HSPG2: variants seen among roughly 807,000 people sequenced by gnomAD.
HSPG2 encodes basement membrane-specific heparan sulfate proteoglycan core protein.
A neutral mutation model predicts 526.6 loss-of-function variants in HSPG2; 278 were observed. That is an observed-to-expected ratio of 0.53 (90% confidence interval 0.48 to 0.58). The LOEUF (loss-of-function observed/expected upper bound fraction) is 0.58. Ranked by LOEUF, HSPG2 falls within the 20% of genes least tolerant of loss-of-function variation. The pLI, the probability that HSPG2 is intolerant of heterozygous loss-of-function variation, is 0.00. For missense variants in HSPG2, 5,354 were observed against 6,099.5 expected (o/e 0.88, Z 4.07); for synonymous variants, 2,465 against 2,555.4 (o/e 0.96, Z 1.07).
At position 21,824,098 on chromosome 1, in the gene HSPG2, G is replaced by A. The variant is rs766977531; in HGVS notation, c.12899+23C>T. 8.7e-6 allele frequency: 14 copies of A among 1,604,864 alleles called. No homozygotes were observed. The highest frequency in any genetic ancestry group is 5.3e-5 in the African/African-American group (4 of 74,804). On this transcript the variant is annotated intron_variant, in intron 95 of 96. Transcript: ENST00000374695. This position sits in a 1 kb window ranked among gnomAD's most constrained non-coding sequence, Gnocchi z 5.9. ...ACTCCAGAACGCTGGGCCCCATCCC[G>A]AGTGCCCGGCAGGGTCCCTTACCGC...
Position 21,873,959 on chromosome 1 carries a change from A to T in HSPG2, c.3709T>A (p.Cys1237Ser). The change falls in exon 29 of 97, where the codon TGC (cysteine) becomes AGC (serine). Residue 1237 changes from cysteine (C) to serine (S), a missense_variant. Physicochemically the swap from Cys to Ser is moderately radical, Grantham distance 112. Transcript: ENST00000374695. ...TGACGCCCACTGTGGCCTGGGGAGCACGCATCACAGGTGGGGTGGCCGTCT... is the reference window on the plus strand; with the variant it reads ...TGACGCCCACTGTGGCCTGGGGAGCTCGCATCACAGGTGGGGTGGCCGTCT... ...DTDGHPTCDA[C>S]SPGHSGRHCE... 1 of 1,605,448 alleles carries T rather than the reference A, an allele frequency of 6.2e-7. No individual in the cohort carries two copies. The highest frequency in any genetic ancestry group is 8.5e-7 in the Non-Finnish European group (1 of 1,175,916).
Position 21,823,683 on chromosome 1 carries a change from C to T in HSPG2, c.12936G>A (p.Glu4312=), listed in dbSNP as rs752480361. The T allele has an allele frequency of 3.1e-6, 5 of 1,613,686 alleles. No homozygotes were observed. In the Admixed American group the frequency reaches 6.7e-5, roughly 22 times the overall value. Residue 4312 remains glutamate, a synonymous_variant, in exon 96 of 97, where the codon GAG becomes GAA. Coordinates refer to ENST00000374695, the MANE Select transcript of HSPG2 (RefSeq NM_005529.7). The part of the protein sequence containing the change: ...GRRGSIQVDG[E]ELVSGRSPGP... ...CTGGGGACCGGCCGCTGACCAGCTC[C>T]TCACCGTCGACTTGGATGGAACCTC... is the stretch of plus-strand genomic sequence containing the variant.
Position 21,878,624 on chromosome 1 carries a change from G to A in HSPG2, c.2511C>T (p.Ala837=). The A allele has an allele frequency of 3.1e-6, 5 of 1,614,162 alleles. No homozygotes were observed. The highest frequency in any genetic ancestry group is 4.2e-6 in the Non-Finnish European group (5 of 1,180,042). ...AGCCTGGGGCACAGGCGTCACATGT[G>A]GCTTGGCCATCCGTGTCCAGGAAGC... ...DTCFLDTDGQ[A]TCDACAPGYT... Residue 837 remains alanine, a synonymous_variant, in exon 19 of 97, where the codon GCC becomes GCT. Transcript: ENST00000374695.
chr1:21,841,696 G>T (rs369890389), intron 69 of HSPG2, 23 bp from the exon 70 acceptor site: 30 of 1,613,672 alleles, frequency 1.9e-5, no homozygotes, highest in African/African-American at 2.7e-5. Context: ...ATGGGGGAGG[G>T]TGAGAGAGGA....
intron 1 of HSPG2, among the ~76,000 whole-genome samples, chr1:21,918,323 G>C (rs958735674): frequency 6.6e-6 from 1 of 152,094 alleles, no homozygotes; most frequent in Non-Finnish European, 1.5e-5. Flanking sequence ...AAATTAGCAG[G>C]GTGTGGTGGC....
intron 37 of HSPG2, among the ~76,000 whole-genome samples, chr1:21,862,465 T>C (rs1360390408): frequency 6.6e-6 from 1 of 151,178 alleles, no homozygotes; most frequent in African/African-American, 2.4e-5. Flanking sequence ...GCGTCTGTAG[T>C]CCCAGCTACT....
intron 1 of HSPG2, among the ~76,000 whole-genome samples, chr1:21,914,819 G>A (rs553766588): frequency 8.2e-4 from 125 of 152,116 alleles, no homozygotes; most frequent in Non-Finnish European, 1.5e-3. Flanking sequence ...GCTCCTCCCC[G>A]GGCAGGTGTG....
At position 21,823,604 on chromosome 1, in the gene HSPG2, C is replaced by T. The variant is rs756949411; in HGVS notation, c.13003+12G>A. The T allele has an allele frequency of 2.5e-6, 4 of 1,612,416 alleles. No individual in the cohort carries two copies. Among genetic ancestry groups the T allele is most frequent in the Admixed American group, 1.7e-5 (1 of 60,020 alleles). ...TTCCTGCCCCTGCCCTGAGAAGGAG[C>T]CCCAGACTTACCGATGTAGACGCTG... On this transcript the variant is annotated intron_variant, in intron 96 of 96. Coordinates refer to ENST00000374695, the MANE Select transcript of HSPG2 (RefSeq NM_005529.7).
rs1037934358 is a variant in HSPG2, at chr1:21,859,932, G to A, written c.5085C>T (p.Ser1695=). ...RSIVPQGGSH[S]LRCQVSGSPP... ...GGCTCCCACTGACCTGACACCGCAG[G>A]GAGTGGGAGCCACCTTGGGGCACTA... The change falls in exon 41 of 97, where the codon TCC becomes TCT. Residue 1695 remains serine (S), a synonymous_variant. Coordinates refer to ENST00000374695, the MANE Select transcript of HSPG2 (RefSeq NM_005529.7). The surrounding 1 kb of genome is among the most constrained non-coding windows in gnomAD (Gnocchi z 5.3). 5.0e-6 allele frequency: 8 copies of A among 1,610,420 alleles called. No homozygotes were observed. The highest frequency in any genetic ancestry group is 2.2e-5 in the East Asian group (1 of 44,838).
In HSPG2 at chr1:21,864,804, G is replaced by T; in HGVS notation, c.4626+39C>A. On this transcript the variant is annotated intron_variant, in intron 36 of 96. Coordinates refer to ENST00000374695, the MANE Select transcript of HSPG2 (RefSeq NM_005529.7). This position sits in a 1 kb window ranked among gnomAD's most constrained non-coding sequence, Gnocchi z 4.8. ...GGCTGATTTGCTTGCTGATGCCTCT[G>T]TGCCTGTGCAGAGGTGGTGGAGCTG... 1.3e-6 allele frequency: 2 copies of T among 1,540,490 alleles called. 1 individual carries two copies. Among genetic ancestry groups the T allele is most frequent in the South Asian group, 2.3e-5 (2 of 86,474 alleles).
rs2097986374 is a variant in HSPG2, at chr1:21,828,433, G to A, written c.12238-7C>T. The stretch of plus-strand genomic sequence containing the variant: ...GTTTGCCATTCACTGACACCTGTGG[G>A]GACAGGGACACCGAGGGACTAAAGG... On this transcript the variant is annotated splice_region_variant and splice_polypyrimidine_tract_variant and intron_variant, in intron 88 of 96. Coordinates refer to ENST00000374695, the MANE Select transcript of HSPG2 (RefSeq NM_005529.7). This position sits in a 1 kb window ranked among gnomAD's most constrained non-coding sequence, Gnocchi z 6.0. 1.2e-6 allele frequency: 2 copies of A among 1,612,682 alleles called. No homozygotes were observed. Among genetic ancestry groups the A allele is most frequent in the Non-Finnish European group, 1.7e-6 (2 of 1,179,964 alleles).
chr1:21,894,237 G>C (rs368053700), intron 3 of HSPG2, among the ~76,000 whole-genome samples: 1 of 152,068 alleles, frequency 6.6e-6, no homozygotes, highest in Non-Finnish European at 1.5e-5. Flanking sequence ...GCCATGCCCA[G>C]GGGGAGGAGG....
At position 21,831,008 on chromosome 1, in the gene HSPG2, T is replaced by C; in HGVS notation, c.11645A>G (p.His3882Arg). The change falls in exon 85 of 97, where the codon CAC becomes CGC. Residue 3882 changes from histidine to arginine, a missense_variant. By Grantham distance (29) the His-to-Arg change is conservative. Transcript: ENST00000374695. Reference protein sequence around the residue: ...PAGFTGSRCEHSQALHCHPEA... With the variant: ...PAGFTGSRCERSQALHCHPEA... ...TGGATGGCAGTGCAGGGCCTGCGAGTGCTCACAGCGGCTCCCGGTGAAGCC... is the reference window on the plus strand; with the variant it reads ...TGGATGGCAGTGCAGGGCCTGCGAGCGCTCACAGCGGCTCCCGGTGAAGCC... 6.3e-7 allele frequency: 1 copy of C among 1,587,476 alleles called. No homozygotes were observed. Among genetic ancestry groups the C allele is most frequent in the Non-Finnish European group, 8.6e-7 (1 of 1,166,922 alleles).
Position 21,839,467 on chromosome 1 carries a change from T to G in HSPG2, c.9793A>C (p.Ile3265Leu). The G allele has an allele frequency of 1.2e-6, 2 of 1,614,034 alleles. No homozygotes were observed. Among genetic ancestry groups the G allele is most frequent in the Non-Finnish European group, 1.7e-6 (2 of 1,179,978 alleles). Residue 3265 changes from isoleucine to leucine, a missense_variant, in exon 73 of 97, where the codon ATA becomes CTA. Physicochemically the swap from Ile to Leu is conservative, Grantham distance 5 (BLOSUM62 2). Transcript: ENST00000374695. The surrounding 1 kb of genome is among the most constrained non-coding windows in gnomAD (Gnocchi z 4.5). ...GAGTCCTGCTGGGCTACCCGGGGTA[T>G]GATGAGTGTGTCACCTTCCAGCCGG... ...QHRLEGDTLI[I>L]PRVAQQDSGQ...
chr1:21,824,365 C>T lies in HSPG2; in HGVS notation c.12756G>A (p.Glu4252=), dbSNP rs1404109128. The change falls in exon 94 of 97, where the codon GAG becomes GAA. Residue 4252 remains glutamate, a synonymous_variant. Coordinates refer to ENST00000374695, the MANE Select transcript of HSPG2 (RefSeq NM_005529.7). The surrounding 1 kb of genome is among the most constrained non-coding windows in gnomAD (Gnocchi z 5.9). ...TGATGAAGTCCTTGCCTTGGCCGGC[C>T]TCTCCCACCTCCTGCCAGGGAAGCA... ...LLLWQGVEVG[E]AGQGKDFISL... is the part of the protein sequence containing the mutation. 1 of 1,613,900 alleles carries T rather than the reference C, an allele frequency of 6.2e-7. No individual in the cohort carries two copies. The highest frequency in any genetic ancestry group is 8.5e-7 in the Non-Finnish European group (1 of 1,180,028).
rs543277819 is a variant in HSPG2, at chr1:21,823,218, C to A, written c.*98G>T. On this transcript the variant is annotated 3_prime_UTR_variant, in exon 97 of 97. Transcript: ENST00000374695. ...GTAGCAGCAAAGCGTGGCATCGCCT[C>A]GGTTTCTTACAAAAATTCATAATAA... 1 of 1,193,000 alleles carries A rather than the reference C, an allele frequency of 8.4e-7. No individual in the cohort carries two copies. The highest frequency in any genetic ancestry group is 1.1e-6 in the Non-Finnish European group (1 of 899,068). The allele number at this position is 1,193,000 out of a possible 1,614,324, so 73.9% of individuals were successfully genotyped here.
intron 71 of HSPG2, among the ~76,000 whole-genome samples, chr1:21,840,514 G>A (rs371082529): frequency 6.6e-6 from 1 of 151,896 alleles, no homozygotes; most frequent in East Asian, 1.9e-4. Context: ...CACCATGTTA[G>A]CCAGGATGGT....
intron 39 of HSPG2, 140 bp downstream of exon 39, chr1:21,861,617 T>G: frequency 1.0e-4 from 82 of 809,382 alleles, no homozygotes; most frequent in Middle Eastern, 2.2e-4. Context: ...CCAAGAGCAA[T>G]GAGGTGTCTT....
chr1:21,901,787 C>T (rs1186465390), intron 1 of HSPG2, among the ~76,000 whole-genome samples: 3 of 152,008 alleles, frequency 2.0e-5, no homozygotes, highest in African/African-American at 7.2e-5. Context: ...AGTGCAGGGG[C>T]GGGGGGACAA....
Sources: gnomAD v4.1 joint callset for allele counts (sites outside exome capture counted in the v4.1 genomes callset) on GRCh38, gnomAD v4.1.1 for gene constraint, Gnocchi (gnomAD v3.1) non-coding constraint, MANE v1.5 for transcripts, NCBI Gene and HGNC (gene_info 2026-07-23, HGNC 2026-07-21) for gene names.